CDK8: variants seen among roughly 807,000 people sequenced by gnomAD.
CDK8 encodes the protein cyclin-dependent kinase 8.
A neutral mutation model predicts 71.5 loss-of-function variants in CDK8; 29 were observed. That is an observed-to-expected ratio of 0.41 (90% CI 0.30 to 0.55). The LOEUF (loss-of-function observed/expected upper bound fraction) is 0.55. Ranked by LOEUF, CDK8 falls within the 20% of genes least tolerant of loss-of-function variation. The pLI is 0.37. For missense variants in CDK8, 288 were observed against 572.6 expected, an observed-to-expected ratio of 0.50 and a Z score of 5.07; for synonymous variants, 161 against 192.1, an observed-to-expected ratio of 0.84 and a Z score of 1.34.
intron 1 of CDK8, among the ~76,000 whole-genome samples, chr13:26,289,449 A>G (rs1247612254): frequency 6.6e-6 from 1 of 152,104 alleles, no homozygotes; most frequent in African/African-American, 2.4e-5. Context: ...CTGTAAATTT[A>G]TATTGTTTGT....
intron 4 of CDK8, among the ~76,000 whole-genome samples, chr13:26,369,793 T>C (rs917422856): frequency 2.7e-5 from 4 of 149,596 alleles, no homozygotes; most frequent in African/African-American, 9.9e-5. Context: ...CCTGACCTCC[T>C]GATCCACCCA....
At chr13:26,287,142 G>A (rs527641305) in intron 1 of CDK8, among the ~76,000 whole-genome samples, 80 of 152,280 alleles carry the variant, frequency 5.3e-4, no homozygotes, top group African/African-American at 1.8e-3. Flanking sequence ...CCAGTACTGG[G>A]TATCTACTCA....
At chr13:26,268,256 AACACACAC>A (rs3027999) in intron 1 of CDK8, among the ~76,000 whole-genome samples, 48,153 of 116,662 alleles carry the variant, frequency 0.41, 10,746 homozygotes, top group East Asian at 0.59. Flanking sequence ...CCCCTCCCCC[AACACACAC>A]ACACACACAC....
chr13:26,268,484 T>C (rs1378947116), intron 1 of CDK8, among the ~76,000 whole-genome samples: 1 of 152,022 alleles, frequency 6.6e-6, no homozygotes, highest in Non-Finnish European at 1.5e-5. Flanking sequence ...TCTGGCTAAT[T>C]ATTGTATTTT....
intron 1 of CDK8, among the ~76,000 whole-genome samples, chr13:26,283,410 C>A (rs1349253256): frequency 6.6e-6 from 1 of 151,590 alleles, no homozygotes; most frequent in African/African-American, 2.4e-5. Context: ...GAGATCGAGA[C>A]CTTCCTGGCT....
intron 4 of CDK8, among the ~76,000 whole-genome samples, chr13:26,381,259 C>CT (rs1182696843): frequency 3.9e-5 from 6 of 152,154 alleles, no homozygotes; most frequent in African/African-American, 1.4e-4. Context: ...TTTGGAAAGC[C>CT]TTTCTCTGCC....
chr13:26,258,972 C>T (rs996249116), intron 1 of CDK8, among the ~76,000 whole-genome samples: 1 of 152,114 alleles, frequency 6.6e-6, no homozygotes, highest in Non-Finnish European at 1.5e-5. Flanking sequence ...TGGACTAGTG[C>T]CTGTTCCCAC....
At chr13:26,346,052 G>A (rs1873449989) in intron 2 of CDK8, among the ~76,000 whole-genome samples, 2 of 152,158 alleles carry the variant, frequency 1.3e-5, no homozygotes, top group Admixed American at 1.3e-4. Flanking sequence ...GGAGGTATTG[G>A]TATTAGACCA....
chr13:26,394,034 G>A (rs934077240), intron 7 of CDK8, among the ~76,000 whole-genome samples: 3 of 152,124 alleles, frequency 2.0e-5, no homozygotes, highest in Admixed American at 2.0e-4. Context: ...GTACCCTATG[G>A]TGAGTTAGCC....
At chr13:26,289,089 T>C (rs1344245756) in intron 1 of CDK8, among the ~76,000 whole-genome samples, 1 of 130,280 alleles carries the variant, frequency 7.7e-6, no homozygotes, top group Non-Finnish European at 1.6e-5. Flanking sequence ...ACAGTCTTGC[T>C]CTGTGGCCAG....
chr13:26,353,582 A>G (rs1873771375), intron 3 of CDK8, among the ~76,000 whole-genome samples, 158 bp from the exon 4 acceptor site: 1 of 152,138 alleles, frequency 6.6e-6, no homozygotes, highest in Non-Finnish European at 1.5e-5. Flanking sequence ...TTATTAGGGA[A>G]TTTTAAAGTT....
In CDK8 at chr13:26,374,043, A is replaced by AAAAAT. The variant is rs147290719; in HGVS notation, c.457-8770_457-8769insAAATA. Among the ~76,000 whole-genome samples the AAAAAT allele has an allele frequency of 1.0e-3, 112 of 111,848 alleles. 2 individuals carry two copies. Among genetic ancestry groups the AAAAAT allele is most frequent in the Non-Finnish European group, 1.8e-3 (100 of 56,734 alleles). 73.4% of individuals were successfully genotyped at this position (111,848 alleles called of 152,430 possible). A position where few individuals can be genotyped will look rare whatever the true frequency, so the allele number is the denominator to read the frequency against. The stretch of plus-strand genomic sequence containing the variant: ...AAAAAAAAAAAAAAAAAAAACAAAA[A>AAAAAT]ACAAAAAATTAGCTGGGCGTGGTGG... On this transcript the variant is annotated intron_variant, in intron 4 of 12. Coordinates refer to ENST00000381527, the MANE Select transcript of CDK8 (RefSeq NM_001260.3).
intron 1 of CDK8, among the ~76,000 whole-genome samples, chr13:26,301,762 A>G (rs924696980): frequency 4.6e-5 from 7 of 152,144 alleles, no homozygotes; most frequent in African/African-American, 1.4e-4. Flanking sequence ...TTTTATTCCA[A>G]TTCCCTTCCT....
chr13:26,304,694 T>G (rs1464236003), intron 1 of CDK8, among the ~76,000 whole-genome samples: 1 of 152,120 alleles, frequency 6.6e-6, no homozygotes, highest in Non-Finnish European at 1.5e-5. Flanking sequence ...TGGAATGCAG[T>G]GGTGTGATCA....
chr13:26,271,806 CT>C (rs58160694), intron 1 of CDK8, among the ~76,000 whole-genome samples: 1,348 of 62,662 alleles, frequency 0.022, 270 homozygotes, highest in African/African-American at 0.11. Flanking sequence ...GAGACCCTGT[CT>C]TTTTTTTTTT....
intron 6 of CDK8, among the ~76,000 whole-genome samples, chr13:26,385,798 A>G (rs1315413660): frequency 6.6e-6 from 1 of 152,200 alleles, no homozygotes; most frequent in East Asian, 1.9e-4. Context: ...TCTACTACCT[A>G]GAAATACTAT....
chr13:26,326,081 G>A (rs1490208053), intron 1 of CDK8, among the ~76,000 whole-genome samples: 2 of 152,190 alleles, frequency 1.3e-5, no homozygotes, highest in African/African-American at 4.8e-5. Context: ...TAAGCCAAGA[G>A]CCTTTGTCCC....
rs999491828 is a variant in CDK8, at chr13:26,371,687, C to T, written c.457-11127C>T. ...CTGGAGTGCAATGGCGTGATCTTGG[C>T]TCACTGCAACCTCCGCCTCCCGGGT... On this transcript the variant is annotated intron_variant, in intron 4 of 12. Coordinates refer to ENST00000381527, the MANE Select transcript of CDK8 (RefSeq NM_001260.3). Among the ~76,000 whole-genome samples the T allele has an allele frequency of 2.0e-5, 3 of 152,226 alleles. No individual in the cohort carries two copies. In the East Asian group the frequency reaches 5.8e-4, roughly 29 times the overall value.
intron 4 of CDK8, among the ~76,000 whole-genome samples, chr13:26,376,190 A>G (rs191051316): frequency 1.8e-4 from 26 of 144,520 alleles, no homozygotes; most frequent in Admixed American, 9.4e-4. Context: ...TCAGATTTCA[A>G]TGTAAGCTAG....
Sources: allele counts gnomAD v4.1 joint callset (sites outside exome capture counted in the v4.1 genomes callset), GRCh38; gene constraint gnomAD v4.1.1; transcripts MANE v1.5; gene names NCBI Gene and HGNC (gene_info 2026-07-23, HGNC 2026-07-21).